The following TENM2 variants were observed in gnomAD, a reference collection of about 807,000 sequenced individuals.
The protein encoded by TENM2 is teneurin-2.
Under a neutral mutation model 245.2 loss-of-function variants are expected in TENM2, and 52 were observed. The ratio of observed to expected loss-of-function variants is 0.21; its 90% CI spans 0.17 to 0.27. The LOEUF (loss-of-function observed/expected upper bound fraction) is 0.27. Among genes scored for constraint, TENM2 ranks in the 10% least tolerant of loss-of-function variants. The pLI, the probability that TENM2 is intolerant of heterozygous loss-of-function variation, is 1.00. For synonymous variants in TENM2, 1,363 were observed against 1,438.9 expected, an observed-to-expected ratio of 0.95 and a Z score of 1.19; for missense variants, 3,046 against 3,666.8, an observed-to-expected ratio of 0.83 and a Z score of 4.37.
chr5:167,159,789 G>A, the TENM2 span, among the ~76,000 whole-genome samples: 1 of 152,190 alleles, frequency 6.6e-6, no homozygotes, highest in South Asian at 2.1e-4. Flanking sequence ...TTGAATCCAA[G>A]CATTGCCAAT....
intron 19 of TENM2, 38 bp downstream of exon 21, chr5:168,204,659 G>GC: frequency 6.2e-7 from 1 of 1,604,656 alleles, no homozygotes; most frequent in South Asian, 1.1e-5. Context: ...TTGCTCTCTT[G>GC]CCCCCCATAA....
chr5:167,276,438 T>G, the TENM2 span, among the ~76,000 whole-genome samples: 2 of 151,644 alleles, frequency 1.3e-5, no homozygotes, highest in Admixed American at 1.3e-4. Flanking sequence ...ATTTCATCAA[T>G]AACTATAAAG....
At chr5:168,044,167 G>A (rs1427042553) in intron 5 of TENM2, among the ~76,000 whole-genome samples, 1 of 152,198 alleles carries the variant, frequency 6.6e-6, no homozygotes, top group African/African-American at 2.4e-5. Context: ...TGTAATCCCA[G>A]CACTTTGGGA....
chr5:168,173,100 T>TC (rs1346425816), intron 13 of TENM2, among the ~76,000 whole-genome samples: 2 of 152,198 alleles, frequency 1.3e-5, no homozygotes, highest in Non-Finnish European at 2.9e-5. Flanking sequence ...TCCTTCAGTT[T>TC]CCTGGAACTC....
chr5:167,769,580 G>A (rs1763265649), intron 2 of TENM2, among the ~76,000 whole-genome samples: 1 of 152,120 alleles, frequency 6.6e-6, no homozygotes. Flanking sequence ...TCTTGCCGCA[G>A]GCTTTTCCCC....
the TENM2 span, among the ~76,000 whole-genome samples, chr5:167,190,277 T>C: frequency 6.6e-6 from 1 of 152,052 alleles, no homozygotes; most frequent in Non-Finnish European, 1.5e-5. Context: ...GGATGAGATA[T>C]CAAGGATGAG....
At chr5:167,804,250 T>C (rs1035102879) in intron 2 of TENM2, among the ~76,000 whole-genome samples, 9 of 152,050 alleles carry the variant, frequency 5.9e-5, no homozygotes, top group African/African-American at 1.2e-4. Flanking sequence ...TTTTTCTAGT[T>C]TCTATGATAA....
intron 2 of TENM2, among the ~76,000 whole-genome samples, chr5:167,526,375 C>CACACAT: frequency 6.6e-6 from 1 of 151,478 alleles, no homozygotes; most frequent in Middle Eastern, 3.4e-3. Flanking sequence ...CACACACACA[C>CACACAT]ACACACACAC....
At chr5:167,299,673 A>T (rs573973488) in intron 1 of TENM2, among the ~76,000 whole-genome samples, 1 of 152,164 alleles carries the variant, frequency 6.6e-6, no homozygotes, top group Admixed American at 6.5e-5. Context: ...TGGAACTGCC[A>T]TCAATAAACT....
intron 2 of TENM2, among the ~76,000 whole-genome samples, chr5:167,580,665 C>A (rs1380121931): frequency 6.6e-6 from 1 of 152,232 alleles, no homozygotes; most frequent in African/African-American, 2.4e-5. Context: ...GAACAGGGAG[C>A]AGATTTCTGT....
the TENM2 span, among the ~76,000 whole-genome samples, chr5:167,152,387 A>G: frequency 2.6e-5 from 4 of 152,222 alleles, no homozygotes; most frequent in East Asian, 7.7e-4. Flanking sequence ...ATTTAACAGT[A>G]ACGTGAAAGC....
chr5:167,220,239 G>A, the TENM2 span, among the ~76,000 whole-genome samples: 1 of 152,096 alleles, frequency 6.6e-6, no homozygotes, highest in Non-Finnish European at 1.5e-5. Context: ...TTAAGTCTTG[G>A]TATGAGACTA....
intron 2 of TENM2, among the ~76,000 whole-genome samples, chr5:167,748,585 C>T (rs996009824): frequency 1.4e-5 from 2 of 143,658 alleles, no homozygotes; most frequent in African/African-American, 2.5e-5. Flanking sequence ...TCCATTTTCA[C>T]ATTGCTATTA....
At chr5:167,512,280 T>C (rs774514747) in intron 2 of TENM2, among the ~76,000 whole-genome samples, 1 of 152,188 alleles carries the variant, frequency 6.6e-6, no homozygotes, top group Admixed American at 6.5e-5. Flanking sequence ...TAGGTATAAA[T>C]TGAGTAACAT....
chr5:167,370,210 C>G (rs892176968), intron 1 of TENM2, among the ~76,000 whole-genome samples: 1 of 151,516 alleles, frequency 6.6e-6, no homozygotes, highest in Non-Finnish European at 1.5e-5. Flanking sequence ...GGTGTAGTGG[C>G]GGGTGCCTGT....
chr5:168,263,443 G>C (rs1371327784), downstream of TENM2: 1 of 152,216 alleles, frequency 6.6e-6, no homozygotes, highest in African/African-American at 2.4e-5. Flanking sequence ...CTGGGGAGGG[G>C]GGATAAAAGA....
Position 167,972,678 on chromosome 5 carries a change from ATC to A in TENM2, c.947+19862_947+19863del, listed in dbSNP as rs887610394. 6.4e-4 allele frequency among the ~76,000 whole-genome samples: 98 copies of A among 152,208 alleles called. 1 individual carries two copies. The highest frequency in any genetic ancestry group is 2.2e-3 in the African/African-American group (92 of 41,536). ...TATCTGTCTCCATTCAAATGTTACG[ATC>A]TCTCTTTACTTCTCCTTATTTGATG... On this transcript the variant is annotated intron_variant, in intron 4 of 28. Transcript: ENST00000518659.
chr5:167,329,783 A>G (rs868803470), intron 1 of TENM2, among the ~76,000 whole-genome samples: 1 of 152,120 alleles, frequency 6.6e-6, no homozygotes, highest in South Asian at 2.1e-4. Context: ...GATATGGGGG[A>G]TAGAAATTAT....
At chr5:167,573,221 T>G (rs1314218661) in intron 2 of TENM2, among the ~76,000 whole-genome samples, 4 of 152,170 alleles carry the variant, frequency 2.6e-5, no homozygotes, top group South Asian at 4.1e-4. Context: ...GCAGCTTTCA[T>G]TTTTGCCTAC....
Sources: gnomAD v4.1 joint callset for allele counts (sites outside exome capture counted in the v4.1 genomes callset) on GRCh38, gnomAD v4.1.1 for gene constraint, MANE v1.5 for transcripts, NCBI Gene and HGNC (gene_info 2026-07-23, HGNC 2026-07-21) for gene names.